The following ELMOD2 variants were observed in gnomAD, a reference collection of about 807,000 sequenced individuals.
ELMOD2 encodes ELMO domain-containing protein 2.
ELMOD2 carries 28 observed loss-of-function variants against 41.0 expected under a neutral mutation model. That is an observed-to-expected ratio of 0.68 (90% CI 0.51 to 0.94). ELMOD2 has a LOEUF of 0.94. Among genes scored for constraint, ELMOD2 ranks in the 40% least tolerant of loss-of-function variants. The pLI, the probability that ELMOD2 is intolerant of heterozygous loss-of-function variation, is 0.00. For missense variants in ELMOD2, 333 were observed against 343.1 expected (o/e 0.97, Z 0.23); for synonymous variants, 106 against 107.2 (o/e 0.99, Z 0.07).
At chr4:140,545,133 C>T (rs1454375496) in intron 8 of ELMOD2, among the ~76,000 whole-genome samples, 1 of 152,098 alleles carries the variant, frequency 6.6e-6, no homozygotes, top group African/African-American at 2.4e-5. Context: ...TCTCAGACAC[C>T]AACTTTTTTT....
At chr4:140,541,034 CT>C (rs1477227586) in intron 6 of ELMOD2, among the ~76,000 whole-genome samples, 2 of 152,210 alleles carry the variant, frequency 1.3e-5, no homozygotes, top group Non-Finnish European at 2.9e-5. Context: ...ACCGTATGAA[CT>C]TTCTCTCCTT....
intron 8 of ELMOD2, among the ~76,000 whole-genome samples, chr4:140,546,439 AC>A (rs1735285751): frequency 6.6e-6 from 1 of 151,998 alleles, no homozygotes; most frequent in African/African-American, 2.4e-5. Flanking sequence ...TACATATATA[AC>A]AAACCTACAC....
intron 4 of ELMOD2, 62 bp downstream of exon 4, chr4:140,535,892 C>A: frequency 7.0e-7 from 1 of 1,432,384 alleles, no homozygotes; most frequent in South Asian, 1.3e-5. Context: ...GTATCAATAT[C>A]ACACACTGTT....
At position 140,525,624 on chromosome 4, in the gene ELMOD2, C is replaced by G. The variant is rs1270348352; in HGVS notation, c.142+54C>G. The G allele has an allele frequency of 3.2e-6, 5 of 1,547,940 alleles. No individual in the cohort carries two copies. In the African/African-American group the frequency reaches 5.6e-5, roughly 17 times the overall value. ...AATAAAAGTTTAACGGAGTGTTTTTCTCAGGACTCACAGTGACAGATGTAT... is the reference window on the plus strand; with the variant it reads ...AATAAAAGTTTAACGGAGTGTTTTTGTCAGGACTCACAGTGACAGATGTAT... On this transcript the variant is annotated intron_variant, in intron 2 of 8. Coordinates refer to ENST00000323570, the MANE Select transcript of ELMOD2 (RefSeq NM_153702.4).
rs750369242 is a variant in ELMOD2, at chr4:140,542,662, G to T, written c.602+20G>T. On this transcript the variant is annotated intron_variant, in intron 7 of 8. Coordinates refer to ENST00000323570, the MANE Select transcript of ELMOD2 (RefSeq NM_153702.4). Reference sequence around the variant, plus strand: ...ATTAGGGTAAGCTGGGTATATTAAAGAAGCCGTAATCTCTTGCATTTATAA... The same window carrying T: ...ATTAGGGTAAGCTGGGTATATTAAATAAGCCGTAATCTCTTGCATTTATAA... 5.1e-6 allele frequency: 8 copies of T among 1,561,512 alleles called. No homozygotes were observed. In the East Asian group the frequency reaches 1.6e-4, roughly 31 times the overall value.
At chr4:140,528,791 A>G (rs1471877684) in intron 3 of ELMOD2, among the ~76,000 whole-genome samples, 2 of 152,196 alleles carry the variant, frequency 1.3e-5, no homozygotes, top group Non-Finnish European at 2.9e-5. Context: ...CATATATATA[A>G]GTGAATATTT....
chr4:140,549,081 A>AT (rs1560836312), intron 8 of ELMOD2, among the ~76,000 whole-genome samples: 2 of 151,858 alleles, frequency 1.3e-5, no homozygotes, highest in East Asian at 1.9e-4. Flanking sequence ...AGGAACCACA[A>AT]TTTTTTTGTC....
intron 7 of ELMOD2, 41 bp from the exon 8 acceptor site, chr4:140,543,412 T>C: frequency 6.4e-7 from 1 of 1,563,734 alleles, no homozygotes; most frequent in East Asian, 2.3e-5. Context: ...TTTTATGAGT[T>C]ATTTGGCTAG....
At chr4:140,544,090 T>C (rs2321272) in intron 8 of ELMOD2, among the ~76,000 whole-genome samples, 84,531 of 152,004 alleles carry the variant, frequency 0.56, 25,484 homozygotes, top group Non-Finnish European at 0.69. Context: ...CATTCACTTT[T>C]AGTGATAATA....
Position 140,535,709 on chromosome 4 carries a change from T to C in ELMOD2, c.172-24T>C, listed in dbSNP as rs767464222. The stretch of plus-strand genomic sequence containing the variant: ...TTTCAGCTACAAAGAATTTTTCTCA[T>C]TTGGCTTTCTTTTACATAAATAGGT... On this transcript the variant is annotated intron_variant, in intron 3 of 8. Transcript: ENST00000323570. 5 of 1,592,390 alleles carry C rather than the reference T, an allele frequency of 3.1e-6. No individual in the cohort carries two copies. The African/African-American group carries it at 4.1e-5, about 13-fold the overall frequency.
chr4:140,532,066 G>A (rs981532454), intron 3 of ELMOD2, among the ~76,000 whole-genome samples: 2 of 151,920 alleles, frequency 1.3e-5, no homozygotes, highest in East Asian at 3.9e-4. Flanking sequence ...GAAAATTACA[G>A]TTCAATGTCC....
At chr4:140,525,078 C>T in intron 1 of ELMOD2, 1 of 186,240 alleles carries the variant, frequency 5.4e-6, no homozygotes, top group Non-Finnish European at 1.1e-5. Flanking sequence ...AACTGTTGAG[C>T]CCCAGTTCTC....
chr4:140,525,582 C>A lies in ELMOD2; in HGVS notation c.142+12C>A. The A allele has an allele frequency of 1.9e-6, 3 of 1,583,410 alleles. No homozygotes were observed. Among genetic ancestry groups the A allele is most frequent in the Admixed American group, 2.0e-5 (1 of 50,926 alleles). Reference sequence around the variant, plus strand: ...GACACACAGGATAGGTAATGTTATTCAAAAAGAAAAAGTACTAATAAAAGT... The same window carrying A: ...GACACACAGGATAGGTAATGTTATTAAAAAAGAAAAAGTACTAATAAAAGT... On this transcript the variant is annotated intron_variant, in intron 2 of 8. Coordinates refer to ENST00000323570, the MANE Select transcript of ELMOD2 (RefSeq NM_153702.4).
At position 140,546,888 on chromosome 4, in the gene ELMOD2, A is replaced by G. The variant is rs564503715; in HGVS notation, c.736+3302A>G. On this transcript the variant is annotated intron_variant, in intron 8 of 8. Coordinates refer to ENST00000323570, the MANE Select transcript of ELMOD2 (RefSeq NM_153702.4). ...CTTTCAGTTGCCTCCTGTCAGCTCA[A>G]TCTATAAGAGCTGTAGATCATCCTG... Among the ~76,000 whole-genome samples the G allele has an allele frequency of 1.6e-4, 24 of 152,236 alleles. 2 individuals carry two copies. Among genetic ancestry groups the G allele is most frequent in the African/African-American group, 4.6e-4 (19 of 41,552 alleles).
Position 140,550,745 on chromosome 4 carries a change from C to G in ELMOD2, c.*370C>G, listed in dbSNP as rs981397152. On this transcript the variant is annotated 3_prime_UTR_variant, in exon 9 of 9. Transcript: ENST00000323570. ...GGTCAAGTTGGTATCTTTTTCAAAG[C>G]TCTTTAAGATTTTTTTGGTTTTTAG... is the stretch of plus-strand genomic sequence containing the variant. 6.5e-6 allele frequency: 1 copy of G among 152,942 alleles called. No homozygotes were observed. The highest frequency in any genetic ancestry group is 1.5e-5 in the Non-Finnish European group (1 of 68,410). 9.5% of individuals were successfully genotyped at this position (152,942 alleles called of 1,614,324 possible).
intron 5 of ELMOD2, 120 bp from the exon 6 acceptor site, chr4:140,540,048 A>G: frequency 8.5e-7 from 1 of 1,173,018 alleles, no homozygotes; most frequent in Non-Finnish European, 1.2e-6. Context: ...TAATTGAAAA[A>G]TGTTCTAAAG....
At chr4:140,547,020 T>C (rs746187885) in intron 8 of ELMOD2, among the ~76,000 whole-genome samples, 1 of 152,208 alleles carries the variant, frequency 6.6e-6, no homozygotes, top group Non-Finnish European at 1.5e-5. Context: ...TTCATTCTTA[T>C]ACCCATTACC....
chr4:140,535,580 C>T, intron 3 of ELMOD2, 153 bp from the exon 4 acceptor site: 1 of 629,082 alleles, frequency 1.6e-6, no homozygotes. Flanking sequence ...GTGAATTTAG[C>T]CCTAGAGAAA....
chr4:140,526,435 C>A (rs1189159985), intron 2 of ELMOD2, among the ~76,000 whole-genome samples: 1 of 152,080 alleles, frequency 6.6e-6, no homozygotes, highest in African/African-American at 2.4e-5. Context: ...GTTTTGAAGT[C>A]GCTTCTTTTC....
Sources: allele counts gnomAD v4.1 joint callset (sites outside exome capture counted in the v4.1 genomes callset), GRCh38; gene constraint gnomAD v4.1.1; transcripts MANE v1.5; gene names NCBI Gene and HGNC (gene_info 2026-07-23, HGNC 2026-07-21).